Variants in AUTS2 observed in about 807,000 individuals in gnomAD.
AUTS2 encodes the protein activator of transcription and developmental regulator AUTS2.
Under a neutral mutation model 112.4 loss-of-function variants are expected in AUTS2, and 17 were observed. The ratio of observed to expected loss-of-function variants is 0.15; its 90% CI spans 0.10 to 0.23. The LOEUF is 0.23. AUTS2 is among the 10% of genes least tolerant of loss of function. The pLI is 1.00. For missense variants in AUTS2, 1,510 were observed against 1,701.6 expected (o/e 0.89, Z 1.98); for synonymous variants, 751 against 702.7 (o/e 1.07, Z -1.09).
At chr7:70,359,004 G>T (rs555886370) in intron 4 of AUTS2, among the ~76,000 whole-genome samples, 2 of 152,312 alleles carry the variant, frequency 1.3e-5, no homozygotes, top group East Asian at 1.9e-4. Context: ...AAGATGTGAT[G>T]CATTTTGTGT....
chr7:70,324,886 C>T (rs1414183579), intron 4 of AUTS2, among the ~76,000 whole-genome samples: 2 of 152,124 alleles, frequency 1.3e-5, no homozygotes, highest in Non-Finnish European at 2.9e-5. Context: ...GACTTACAGT[C>T]GTTCTCTGTC....
intron 4 of AUTS2, among the ~76,000 whole-genome samples, chr7:70,343,159 T>TG (rs1791347081): frequency 6.6e-6 from 1 of 152,226 alleles, no homozygotes; most frequent in Non-Finnish European, 1.5e-5. Context: ...TCTTAATTAA[T>TG]GATATTTGAC....
intron 2 of AUTS2, among the ~76,000 whole-genome samples, chr7:69,905,814 C>T (rs1433131629): frequency 6.6e-6 from 1 of 152,112 alleles, no homozygotes. Flanking sequence ...TAACTACCAC[C>T]TCATAAAATA....
intron 5 of AUTS2, among the ~76,000 whole-genome samples, chr7:70,629,457 G>A (rs1166541069): frequency 6.6e-6 from 1 of 151,562 alleles, no homozygotes; most frequent in Admixed American, 6.6e-5. Flanking sequence ...GGGCGACAAA[G>A]CGAGACTCCA....
At chr7:69,699,713 C>T (rs1285338862) in intron 1 of AUTS2, among the ~76,000 whole-genome samples, 4 of 147,348 alleles carry the variant, frequency 2.7e-5, no homozygotes, top group East Asian at 4.1e-4. Flanking sequence ...GGCACAATCT[C>T]GGCTCACTGC....
chr7:69,811,124 C>A (rs1191136404), intron 1 of AUTS2, among the ~76,000 whole-genome samples: 1 of 152,080 alleles, frequency 6.6e-6, no homozygotes, highest in East Asian at 1.9e-4. Flanking sequence ...TTACTCTGCA[C>A]CACTCTACCT....
At chr7:70,605,848 T>C (rs1803731559) in intron 5 of AUTS2, among the ~76,000 whole-genome samples, 1 of 152,098 alleles carries the variant, frequency 6.6e-6, no homozygotes. Flanking sequence ...GAAAGAGAAA[T>C]GTTATGTATT....
intron 2 of AUTS2, among the ~76,000 whole-genome samples, chr7:70,012,718 C>T (rs1188458563): frequency 6.6e-6 from 1 of 152,184 alleles, no homozygotes; most frequent in African/African-American, 2.4e-5. Context: ...TTTCAAAGCA[C>T]ACTATGCTGA....
rs73440128 is a variant in AUTS2 at position 69,846,876 on chromosome 7, A to G, written c.310-52410A>G. On this transcript the variant is annotated intron_variant, in intron 1 of 18. Coordinates refer to ENST00000342771, the MANE Select transcript of AUTS2 (RefSeq NM_015570.4). ...GCATGAGCCACCACACCCGGCCCCC[A>G]CATCAGCTTTCTAATCTAGGTGTTA... 5.1e-3 allele frequency among the ~76,000 whole-genome samples: 777 copies of G among 152,242 alleles called. 8 individuals carry two copies. The highest frequency in any genetic ancestry group is 0.018 in the African/African-American group (733 of 41,544).
chr7:70,596,354 T>A (rs956727344), intron 5 of AUTS2: 2 of 152,036 alleles, frequency 1.3e-5, no homozygotes, highest in African/African-American at 4.8e-5. Flanking sequence ...CCGGCAAGTT[T>A]CCCCGGCACC....
chr7:70,198,384 A>G (rs1389317978), intron 4 of AUTS2, among the ~76,000 whole-genome samples: 3 of 152,014 alleles, frequency 2.0e-5, no homozygotes, highest in African/African-American at 4.8e-5. Flanking sequence ...CAGACGATCA[A>G]ATTACTCTGA....
rs1230699340 is a variant in AUTS2 at position 70,790,870 on chromosome 7, C to T, written c.3654C>T (p.Ser1218=). ...LNKTPPTAAL[S]APPPLISTLG... ...AGACCCCTCCGACAGCAGCGCTGAG[C>T]GCACCTCCCCCGCTCATCTCCACGC... Residue 1218 remains serine (S), a synonymous_variant, in exon 19 of 19, where the codon AGC becomes AGT. Transcript: ENST00000342771. This position sits in a 1 kb window ranked among gnomAD's most constrained non-coding sequence, Gnocchi z 7.6. The T allele has an allele frequency of 6.2e-7, 1 of 1,604,812 alleles. No individual in the cohort carries two copies. Among genetic ancestry groups the T allele is most frequent in the South Asian group, 1.1e-5 (1 of 89,238 alleles).
At chr7:70,243,761 G>A (rs1480349812) in intron 4 of AUTS2, among the ~76,000 whole-genome samples, 1 of 151,984 alleles carries the variant, frequency 6.6e-6, no homozygotes, top group Non-Finnish European at 1.5e-5. Flanking sequence ...TCACCAAAAG[G>A]GTAATGCTAC....
intron 6 of AUTS2, among the ~76,000 whole-genome samples, chr7:70,723,019 A>C (rs1404156831): frequency 6.6e-6 from 1 of 152,170 alleles, no homozygotes; most frequent in Non-Finnish European, 1.5e-5. Context: ...TAAAACCAGT[A>C]ATTTGGTTAA....
intron 1 of AUTS2, among the ~76,000 whole-genome samples, chr7:69,889,360 CATTA>C (rs1391809095): frequency 6.6e-6 from 1 of 152,186 alleles, no homozygotes; most frequent in East Asian, 1.9e-4. Context: ...GTAATAAGTA[CATTA>C]ATTCTTTTCC....
chr7:70,167,606 A>G (rs1276074665), intron 4 of AUTS2, among the ~76,000 whole-genome samples: 3 of 152,102 alleles, frequency 2.0e-5, no homozygotes, highest in African/African-American at 4.8e-5. Flanking sequence ...CAACAGCAAA[A>G]TACAGTTTTT....
chr7:70,211,403 A>G (rs1044986214), intron 4 of AUTS2, among the ~76,000 whole-genome samples: 8 of 150,772 alleles, frequency 5.3e-5, no homozygotes, highest in Non-Finnish European at 7.4e-5. Flanking sequence ...TAATCCCAGC[A>G]CTTTGGGAGG....
chr7:70,132,730 T>G (rs918310001), intron 3 of AUTS2, among the ~76,000 whole-genome samples: 3 of 152,142 alleles, frequency 2.0e-5, no homozygotes, highest in Non-Finnish European at 4.4e-5. Flanking sequence ...CTGAAGGATG[T>G]AATTTTCTTT....
chr7:70,157,134 C>A (rs1457560561), intron 4 of AUTS2, among the ~76,000 whole-genome samples: 1 of 150,970 alleles, frequency 6.6e-6, no homozygotes, highest in East Asian at 1.9e-4. Context: ...CTGCATTTTT[C>A]TATAATTTTC....
Sources: allele counts gnomAD v4.1 joint callset (sites outside exome capture counted in the v4.1 genomes callset), GRCh38; gene constraint gnomAD v4.1.1; non-coding constraint Gnocchi (gnomAD v3.1); transcripts MANE v1.5; gene names NCBI Gene and HGNC (gene_info 2026-07-23, HGNC 2026-07-21).